The following ADAMTS19 variants were observed in gnomAD, a reference collection of about 807,000 sequenced individuals.
The protein encoded by ADAMTS19 is A disintegrin and metalloproteinase with thrombospondin motifs 19.
In ADAMTS19, 93 loss-of-function variants were observed where a neutral mutation model predicts 153.3. That is an observed-to-expected ratio of 0.61 (90% confidence interval 0.51 to 0.72). ADAMTS19 has a LOEUF of 0.72. Among genes scored for constraint, ADAMTS19 ranks in the 30% least tolerant of loss-of-function variants. ADAMTS19 has a pLI of 0.00. For missense variants in ADAMTS19, 1,482 were observed against 1,552.1 expected (o/e 0.95, Z 0.76); for synonymous variants, 600 against 556.6 (o/e 1.08, Z -1.10).
intron 11 of ADAMTS19, among the ~76,000 whole-genome samples, chr5:129,646,140 G>A (rs868724171): frequency 1.3e-3 from 198 of 151,466 alleles, no homozygotes; most frequent in African/African-American, 4.5e-3. Context: ...CGCCCGCCTC[G>A]GCCTCCCAAA....
At chr5:129,526,537 C>T (rs1245941967) in intron 4 of ADAMTS19, 81 bp downstream of exon 4, 4 of 1,359,810 alleles carry the variant, frequency 2.9e-6, no homozygotes, top group Admixed American at 2.7e-5. Flanking sequence ...TAATGAAATT[C>T]TTTAAAATTA....
At chr5:129,521,844 G>C (rs1751813813) in intron 3 of ADAMTS19, among the ~76,000 whole-genome samples, 1 of 152,176 alleles carries the variant, frequency 6.6e-6, no homozygotes, top group East Asian at 1.9e-4. Context: ...AGCAGTGGTT[G>C]AGTGGGGATG....
At position 129,506,246 on chromosome 5, in the gene ADAMTS19, A is replaced by G. The variant is rs561954698; in HGVS notation, c.748-2831A>G. Among the ~76,000 whole-genome samples the G allele has an allele frequency of 9.2e-5, 14 of 152,258 alleles. No individual in the cohort carries two copies. The South Asian group carries it at 2.7e-3, about 29-fold the overall frequency. Reference sequence around the variant, plus strand: ...GCTAGGGCACTTTGTGTGCCATAGGATAGTATTCTAGGCCCAGAAAGAAAG... The same window carrying G: ...GCTAGGGCACTTTGTGTGCCATAGGGTAGTATTCTAGGCCCAGAAAGAAAG... On this transcript the variant is annotated intron_variant, in intron 2 of 22. Coordinates refer to ENST00000274487, the MANE Select transcript of ADAMTS19 (RefSeq NM_133638.6).
chr5:129,707,634 G>C (rs2127173653), intron 21 of ADAMTS19, among the ~76,000 whole-genome samples: 1 of 152,290 alleles, frequency 6.6e-6, no homozygotes, highest in Middle Eastern at 3.4e-3. Context: ...TTCAGGGACA[G>C]AGAAAACACA....
At chr5:129,637,292 G>A (rs1329232341) in intron 10 of ADAMTS19, among the ~76,000 whole-genome samples, 1 of 152,094 alleles carries the variant, frequency 6.6e-6, no homozygotes, top group Non-Finnish European at 1.5e-5. Flanking sequence ...AGTTATTAAT[G>A]TGCCGAAGTA....
Position 129,622,260 on chromosome 5 carries a change from C to G in ADAMTS19, c.1682C>G (p.Pro561Arg). The change falls in exon 10 of 23, where the codon CCC (proline) becomes CGC (arginine). Residue 561 changes from proline (P) to arginine (R), a missense_variant. Physicochemically the swap from Pro to Arg is moderately radical, Grantham distance 103. Around this residue, in one of 2 missense-constraint regions of ADAMTS19, gnomAD observed 866 missense variants for 827.7 expected, o/e 1.05. Coordinates refer to ENST00000274487, the MANE Select transcript of ADAMTS19 (RefSeq NM_133638.6). ...NPQSVNSVMV[P>R]SKLPGMTYTA... ...CAGAGTGTCAATTCTGTGATGGTTC[C>G]CTCCAAGCTGCCAGGGATGACATAC... is the stretch of plus-strand genomic sequence containing the variant. The G allele has an allele frequency of 6.2e-7, 1 of 1,614,048 alleles. No homozygotes were observed. Among genetic ancestry groups the G allele is most frequent in the Non-Finnish European group, 8.5e-7 (1 of 1,180,002 alleles).
chr5:129,736,056 C>T (rs1184521013), intron 22 of ADAMTS19, among the ~76,000 whole-genome samples: 1 of 151,828 alleles, frequency 6.6e-6, no homozygotes. Flanking sequence ...TTTTTAGGGC[C>T]AAATAATTAA....
chr5:129,626,588 C>T (rs950327494), intron 10 of ADAMTS19, among the ~76,000 whole-genome samples: 3 of 151,870 alleles, frequency 2.0e-5, no homozygotes, highest in Admixed American at 2.0e-4. Flanking sequence ...TACTCCAGTC[C>T]CAAATCAGTA....
At chr5:129,529,955 G>C (rs1325847104) in intron 6 of ADAMTS19, among the ~76,000 whole-genome samples, 3 of 152,102 alleles carry the variant, frequency 2.0e-5, no homozygotes, top group Non-Finnish European at 4.4e-5. Context: ...GGGAGACAGA[G>C]CTTGGAGGTT....
At chr5:129,624,372 A>G (rs1048222108) in intron 10 of ADAMTS19, among the ~76,000 whole-genome samples, 1 of 152,118 alleles carries the variant, frequency 6.6e-6, no homozygotes, top group Admixed American at 6.6e-5. Flanking sequence ...GACAATCAAA[A>G]GTCTGGTCAC....
chr5:129,642,238 T>C (rs938277313), intron 11 of ADAMTS19, among the ~76,000 whole-genome samples: 2 of 152,022 alleles, frequency 1.3e-5, no homozygotes, highest in African/African-American at 4.8e-5. Flanking sequence ...AGCAAAAATG[T>C]GAATTTTTTT....
chr5:129,559,365 G>A lies in ADAMTS19; in HGVS notation c.1372+7458G>A, dbSNP rs79736978. Among the ~76,000 whole-genome samples, 656 of 151,908 alleles carry A rather than the reference G, an allele frequency of 4.3e-3. 4 individuals are homozygous for A. Among genetic ancestry groups the A allele is most frequent in the East Asian group, 0.026 (133 of 5,172 alleles). The stretch of plus-strand genomic sequence containing the variant: ...GCAAAAGACTCCAAAGACCATTTTT[G>A]GAAGATAATACATCAAGGGTGAATT... On this transcript the variant is annotated intron_variant, in intron 7 of 22. Transcript: ENST00000274487.
At chr5:129,553,625 T>G (rs999441189) in intron 7 of ADAMTS19, among the ~76,000 whole-genome samples, 1 of 152,152 alleles carries the variant, frequency 6.6e-6, no homozygotes, top group African/African-American at 2.4e-5. Flanking sequence ...TTTTGCTGAT[T>G]CCTTAGGTTG....
At chr5:129,494,090 T>G (rs1364101963) in intron 2 of ADAMTS19, among the ~76,000 whole-genome samples, 3 of 152,186 alleles carry the variant, frequency 2.0e-5, no homozygotes, top group African/African-American at 7.2e-5. Flanking sequence ...AAGTTGGATA[T>G]TTTCCCCATC....
chr5:129,687,410 CAGA>C, intron 18 of ADAMTS19, among the ~76,000 whole-genome samples: 1 of 152,262 alleles, frequency 6.6e-6, no homozygotes, highest in East Asian at 1.9e-4. Flanking sequence ...GAAGCTGCAT[CAGA>C]AGGAGTTAAA....
At chr5:129,696,524 C>A (rs1755562796) in intron 19 of ADAMTS19, among the ~76,000 whole-genome samples, 2 of 152,192 alleles carry the variant, frequency 1.3e-5, no homozygotes, top group African/African-American at 4.8e-5. Flanking sequence ...TGACACAGGT[C>A]TCCAATCAAT....
rs560064352 is a variant in ADAMTS19, at chr5:129,481,950, T to TA, written c.747+20198dup. ...TCTATCCAAGCTTGGGGTAAGGAGT[T>TA]AAAAAGCATGGACATCCTTTCTGAG... On this transcript the variant is annotated intron_variant, in intron 2 of 22. Coordinates refer to ENST00000274487, the MANE Select transcript of ADAMTS19 (RefSeq NM_133638.6). Among the ~76,000 whole-genome samples, 38 of 152,254 alleles carry TA rather than the reference T, an allele frequency of 2.5e-4. No individual in the cohort carries two copies. The South Asian group carries it at 6.4e-3, about 26-fold the overall frequency.
At chr5:129,611,217 A>G (rs1415653963) in intron 8 of ADAMTS19, among the ~76,000 whole-genome samples, 2 of 151,836 alleles carry the variant, frequency 1.3e-5, no homozygotes, top group East Asian at 1.9e-4. Flanking sequence ...GATTGCAAAA[A>G]TTTTCTCCCA....
At chr5:129,732,589 C>T (rs566854312) in intron 21 of ADAMTS19, among the ~76,000 whole-genome samples, 2 of 152,128 alleles carry the variant, frequency 1.3e-5, no homozygotes, top group South Asian at 2.1e-4. Context: ...AAAAGAATTA[C>T]TTAGGAATAC....
Sources: gnomAD v4.1 joint callset for allele counts (sites outside exome capture counted in the v4.1 genomes callset) on GRCh38, gnomAD v4.1.1 for gene constraint, gnomAD v4.1.1 regional missense constraint, MANE v1.5 for transcripts, NCBI Gene and HGNC (gene_info 2026-07-23, HGNC 2026-07-21) for gene names.